HELLS: variants seen among roughly 807,000 people sequenced by gnomAD.
HELLS encodes the protein helicase, lymphoid specific.
Under a neutral mutation model 120.0 loss-of-function variants are expected in HELLS, and 32 were observed. The observed-to-expected ratio is 0.27, with a 90% CI of 0.20 to 0.36. The LOEUF (loss-of-function observed/expected upper bound fraction) is 0.36, where lower values mean the gene tolerates loss of function less well. Ranked by LOEUF, HELLS falls within the 10% of genes least tolerant of loss-of-function variation. HELLS has a pLI of 1.00. For missense variants in HELLS, 650 were observed against 993.4 expected, an observed-to-expected ratio of 0.65 and a Z score of 4.65; for synonymous variants, 341 against 323.4, an observed-to-expected ratio of 1.05 and a Z score of -0.58.
chr10:94,600,310 T>C (rs1392802462), intron 21 of HELLS, among the ~76,000 whole-genome samples: 1 of 136,734 alleles, frequency 7.3e-6, no homozygotes, highest in Non-Finnish European at 1.6e-5. Flanking sequence ...AAAAAAAAAA[T>C]CCCAGAATGA....
At chr10:94,607,600 G>A (rs113584722) in intron 8 of HELLS, among the ~76,000 whole-genome samples, 9 of 152,286 alleles carry the variant, frequency 5.9e-5, no homozygotes, top group African/African-American at 2.2e-4. Flanking sequence ...TATTTTGAAG[G>A]TGTTAAGAGG....
chr10:94,589,008 G>A (rs1254089399), intron 13 of HELLS, among the ~76,000 whole-genome samples: 5 of 152,148 alleles, frequency 3.3e-5, no homozygotes, highest in Non-Finnish European at 4.4e-5. Context: ...TTAGCTAGGC[G>A]TGGTGGCGCA....
At chr10:94,582,771 A>G (rs938812383) in intron 11 of HELLS, among the ~76,000 whole-genome samples, 192 bp from the exon 12 acceptor site, 1 of 152,178 alleles carries the variant, frequency 6.6e-6, no homozygotes, top group African/African-American at 2.4e-5. Context: ...TGATGGTTCA[A>G]AAATGCAACC....
intron 3 of HELLS, chr10:94,557,132 A>G: frequency 5.4e-6 from 2 of 368,976 alleles, no homozygotes; most frequent in South Asian, 4.1e-5. Context: ...TGCACTTTTC[A>G]TCTGATATAC....
chr10:94,613,706 A>G (rs1280235474), exon 10 of HELLS: 2 of 151,950 alleles, frequency 1.3e-5, no homozygotes, highest in Non-Finnish European at 2.9e-5. Flanking sequence ...CTTTCTTTCT[A>G]TATTGGATTA....
At chr10:94,567,597 A>G (rs1336305256) in intron 6 of HELLS, among the ~76,000 whole-genome samples, 3 of 152,096 alleles carry the variant, frequency 2.0e-5, no homozygotes, top group Non-Finnish European at 4.4e-5. Context: ...GCACCGGCCT[A>G]TTTCCAAGCT....
intron 19 of HELLS, among the ~76,000 whole-genome samples, chr10:94,596,652 A>C (rs1033382142): frequency 6.6e-6 from 1 of 152,198 alleles, no homozygotes; most frequent in Non-Finnish European, 1.5e-5. Flanking sequence ...GTGCGTGTTT[A>C]ACTACTGGAA....
chr10:94,577,299 T>G (rs1434164095), intron 10 of HELLS: 2 of 279,538 alleles, frequency 7.2e-6, no homozygotes, highest in East Asian at 2.1e-4. Flanking sequence ...TGCCTTCTGT[T>G]TTCATTTATT....
intron 10 of HELLS, among the ~76,000 whole-genome samples, chr10:94,579,709 T>A (rs1844723112): frequency 6.6e-6 from 1 of 151,840 alleles, no homozygotes; most frequent in Admixed American, 6.6e-5. Flanking sequence ...ACCTGACTGA[T>A]TCTTGTATTT....
At chr10:94,554,834 G>A (rs1433280761) in intron 3 of HELLS, among the ~76,000 whole-genome samples, 1 of 151,840 alleles carries the variant, frequency 6.6e-6, no homozygotes, top group African/African-American at 2.4e-5. Context: ...AATCAATCAC[G>A]TCTATGTTAT....
intron 9 of HELLS, 129 bp from the exon 10 acceptor site, chr10:94,576,533 G>A: frequency 2.1e-6 from 1 of 477,272 alleles, no homozygotes; most frequent in Non-Finnish European, 3.6e-6. Context: ...GGCTTATTTT[G>A]CTATAGAAAA....
At chr10:94,602,734 G>A (rs1846077447), downstream of HELLS, among the ~76,000 whole-genome samples, 1 of 152,108 alleles carries the variant, frequency 6.6e-6, no homozygotes, top group Non-Finnish European at 1.5e-5. Context: ...GTACAGGTGG[G>A]TTTTGGTTAC....
rs1192584315 is a variant in HELLS, at chr10:94,565,491, G to A, written c.435+2615G>A. 2.6e-5 allele frequency among the ~76,000 whole-genome samples: 4 copies of A among 152,090 alleles called. No homozygotes were observed. The East Asian group carries it at 5.8e-4, about 22-fold the overall frequency. On this transcript the variant is annotated intron_variant, in intron 6 of 21. Transcript: ENST00000348459. ...GATCACCTGATGTCAAGAGTTCGAG[G>A]CCAGCCTGACCAGCATGGAGAAACC...
chr10:94,548,202 T>C (rs1360901310), intron 2 of HELLS, among the ~76,000 whole-genome samples: 1 of 152,212 alleles, frequency 6.6e-6, no homozygotes, highest in Non-Finnish European at 1.5e-5. Flanking sequence ...GCTTATTGAA[T>C]AGCTAACGAT....
At chr10:94,595,097 G>A (rs1381207664) in intron 19 of HELLS, among the ~76,000 whole-genome samples, 2 of 151,284 alleles carry the variant, frequency 1.3e-5, no homozygotes, top group African/African-American at 4.9e-5. Flanking sequence ...GCTCGGTGGC[G>A]GGCGCCTGTA....
intron 6 of HELLS, among the ~76,000 whole-genome samples, chr10:94,568,729 TCA>T (rs1843967158): frequency 6.6e-6 from 1 of 152,224 alleles, no homozygotes; most frequent in South Asian, 2.1e-4. Flanking sequence ...TGAAAAGCTG[TCA>T]CACAGATAAT....
Position 94,588,410 on chromosome 10 carries a change from T to C in HELLS, c.1488+20T>C, listed in dbSNP as rs190794063. On this transcript the variant is annotated intron_variant, in intron 13 of 21. Coordinates refer to ENST00000348459, the MANE Select transcript of HELLS (RefSeq NM_018063.5). ...AGTGAGGTATAGTGGTTTTGAAATG[T>C]ACTGTAAATGAAACTTGACATATAA... is the stretch of plus-strand genomic sequence containing the variant. The C allele has an allele frequency of 4.6e-5, 70 of 1,509,112 alleles. No individual in the cohort carries two copies. In the East Asian group the frequency reaches 1.6e-3, roughly 35 times the overall value. The allele number at this position is 1,509,112 out of a possible 1,614,324, so 93.5% of individuals were successfully genotyped here.
chr10:94,594,588 C>T, intron 18 of HELLS, 107 bp from the exon 19 acceptor site: 1 of 721,842 alleles, frequency 1.4e-6, no homozygotes, highest in Non-Finnish European at 2.2e-6. Context: ...TAAGACACCA[C>T]TATTTAAAAG....
chr10:94,559,829 G>A (rs141814062), intron 4 of HELLS, among the ~76,000 whole-genome samples: 3 of 152,226 alleles, frequency 2.0e-5, no homozygotes, highest in Admixed American at 6.5e-5. Flanking sequence ...GTTGTGTATC[G>A]TTTGGTTGAA....
Sources: allele counts gnomAD v4.1 joint callset (sites outside exome capture counted in the v4.1 genomes callset), GRCh38; gene constraint gnomAD v4.1.1; transcripts MANE v1.5; gene names NCBI Gene and HGNC (gene_info 2026-07-23, HGNC 2026-07-21).